Variants in DLGAP2 observed in about 807,000 individuals in gnomAD.
DLGAP2 encodes DLG associated protein 2.
DLGAP2 carries 26 observed loss-of-function variants against 100.3 expected under a neutral mutation model. The observed-to-expected ratio is 0.26, with a 90% CI of 0.19 to 0.36. The LOEUF (loss-of-function observed/expected upper bound fraction) is 0.36, where lower values mean the gene tolerates loss of function less well. Among genes scored for constraint, DLGAP2 ranks in the 10% least tolerant of loss-of-function variants. The pLI, the probability that DLGAP2 is intolerant of heterozygous loss-of-function variation, is 1.00. For synonymous variants in DLGAP2, 886 were observed against 630.1 expected (o/e 1.41, Z -6.08); for missense variants, 1,858 against 1,453.2 (o/e 1.28, Z -4.53).
intron 1 of DLGAP2, among the ~76,000 whole-genome samples, chr8:770,475 ATGT>A (rs1434935260): frequency 1.1e-4 from 17 of 152,294 alleles, no homozygotes; most frequent in African/African-American, 3.1e-4. Flanking sequence ...CTGAAGATAC[ATGT>A]TGTTCACTGC....
At chr8:1,441,548 C>T (rs1281437375) in intron 3 of DLGAP2, among the ~76,000 whole-genome samples, 4 of 151,850 alleles carry the variant, frequency 2.6e-5, no homozygotes, top group East Asian at 1.9e-4. Flanking sequence ...ATTAGCCAGG[C>T]GTGTTGGTGG....
intron 1 of DLGAP2, among the ~76,000 whole-genome samples, chr8:829,200 A>G (rs1796737052): frequency 6.6e-6 from 1 of 152,256 alleles, no homozygotes; most frequent in Admixed American, 6.5e-5. Flanking sequence ...TAAGGAATCC[A>G]GTTTCTAATG....
intron 2 of DLGAP2, among the ~76,000 whole-genome samples, chr8:1,071,354 C>G (rs1329198638): frequency 2.0e-5 from 3 of 152,208 alleles, no homozygotes; most frequent in Non-Finnish European, 4.4e-5. Flanking sequence ...GCTTGACTTT[C>G]AAGGGTGGCT....
chr8:1,332,419 G>T (rs1412890795), intron 3 of DLGAP2, among the ~76,000 whole-genome samples: 1 of 151,936 alleles, frequency 6.6e-6, no homozygotes. Context: ...GTATATGCGT[G>T]TGTCAGTGTA....
intron 2 of DLGAP2, among the ~76,000 whole-genome samples, chr8:1,088,276 A>G (rs917831974): frequency 3.9e-5 from 6 of 152,172 alleles, no homozygotes; most frequent in African/African-American, 1.4e-4. Context: ...TAGAGCTACC[A>G]TGAAGAGTTG....
intron 1 of DLGAP2, among the ~76,000 whole-genome samples, chr8:862,026 A>G (rs944626132): frequency 2.6e-5 from 4 of 152,184 alleles, no homozygotes; most frequent in East Asian, 3.8e-4. Context: ...AGAAATTCCA[A>G]CCTTCTGCAT....
At chr8:805,193 A>T (rs1796244793) in intron 1 of DLGAP2, among the ~76,000 whole-genome samples, 1 of 152,250 alleles carries the variant, frequency 6.6e-6, no homozygotes, top group African/African-American at 2.4e-5. Flanking sequence ...AATGCCCAGA[A>T]TAATGAAGGG....
chr8:1,158,976 G>C (rs902050266), intron 2 of DLGAP2, among the ~76,000 whole-genome samples: 1 of 152,212 alleles, frequency 6.6e-6, no homozygotes. Flanking sequence ...ACAGAACTTT[G>C]TATGTTTTTC....
chr8:1,663,416 A>AAGT (rs1396564670), intron 8 of DLGAP2, among the ~76,000 whole-genome samples: 20 of 152,058 alleles, frequency 1.3e-4, no homozygotes, highest in African/African-American at 4.8e-4. Flanking sequence ...CGTCTTCGCC[A>AAGT]GCTTCTCTGG....
At chr8:1,656,845 C>T (rs1384412998) in intron 8 of DLGAP2, among the ~76,000 whole-genome samples, 2 of 152,194 alleles carry the variant, frequency 1.3e-5, no homozygotes, top group African/African-American at 2.4e-5. Context: ...GCATGTTACA[C>T]AGTTCCTTCT....
intron 2 of DLGAP2, among the ~76,000 whole-genome samples, chr8:962,604 G>A (rs975648855): frequency 2.6e-5 from 4 of 152,140 alleles, no homozygotes; most frequent in African/African-American, 7.2e-5. Flanking sequence ...AGAGGCCCCC[G>A]CCCTCCGAGA....
chr8:1,390,718 T>C (rs1023109350), intron 3 of DLGAP2, among the ~76,000 whole-genome samples: 2 of 152,192 alleles, frequency 1.3e-5, no homozygotes, highest in Non-Finnish European at 2.9e-5. Context: ...GAGGATCTTT[T>C]CATTTGGCGG....
intron 1 of DLGAP2, among the ~76,000 whole-genome samples, chr8:758,021 T>A (rs1820964729): frequency 6.6e-6 from 1 of 152,160 alleles, no homozygotes; most frequent in Non-Finnish European, 1.5e-5. Flanking sequence ...CCCTTTACTG[T>A]CCCTGCCCTG....
At chr8:900,276 G>C (rs13272933) in intron 1 of DLGAP2, among the ~76,000 whole-genome samples, 71,376 of 142,520 alleles carry the variant, frequency 0.5, 17,616 homozygotes, top group Admixed American at 0.62. Flanking sequence ...GCGCCATCCT[G>C]TTCACGGCGT....
In DLGAP2 at chr8:894,590, C is replaced by A. The variant is rs1025499925; in HGVS notation, c.19-13322C>A. On this transcript the variant is annotated intron_variant, in intron 1 of 14. Coordinates refer to ENST00000637795, the MANE Select transcript of DLGAP2 (RefSeq NM_001346810.2). ...ACAAGGCAAATGTATGGAGGCGGAG[C>A]AGGGGTGTGGTGGGGAGAGCAGAGT... Among the ~76,000 whole-genome samples, 6 of 115,464 alleles carry A rather than the reference C, an allele frequency of 5.2e-5. No homozygotes were observed. The Admixed American group carries it at 6.8e-4, about 13-fold the overall frequency. The allele number at this position is 115,464 out of a possible 152,430, so 75.7% of individuals were successfully genotyped here. A position where few individuals can be genotyped will look rare whatever the true frequency, so the allele number is the denominator to read the frequency against.
intron 2 of DLGAP2, among the ~76,000 whole-genome samples, chr8:1,166,761 G>C (rs903717395): frequency 1.3e-5 from 2 of 152,030 alleles, no homozygotes; most frequent in Non-Finnish European, 2.9e-5. Context: ...ATTATTATTT[G>C]TCAATTAAAA....
chr8:1,246,474 C>G (rs1165453061), intron 2 of DLGAP2, among the ~76,000 whole-genome samples: 2 of 152,228 alleles, frequency 1.3e-5, no homozygotes, highest in Admixed American at 6.5e-5. Context: ...TCAGCCTCCT[C>G]TCACTGAGGG....
chr8:1,605,165 A>G (rs1335909350), intron 6 of DLGAP2, among the ~76,000 whole-genome samples: 2 of 152,168 alleles, frequency 1.3e-5, no homozygotes, highest in Admixed American at 1.3e-4. Context: ...TGGGTGAGCA[A>G]CATCCGTGAC....
intron 2 of DLGAP2, among the ~76,000 whole-genome samples, chr8:1,221,373 A>T (rs903929814): frequency 6.6e-6 from 1 of 152,190 alleles, no homozygotes; most frequent in East Asian, 1.9e-4. Flanking sequence ...GTTTGGCTGC[A>T]TGTAAAATTC....
Sources: allele counts gnomAD v4.1 joint callset (sites outside exome capture counted in the v4.1 genomes callset), GRCh38; gene constraint gnomAD v4.1.1; transcripts MANE v1.5; gene names NCBI Gene and HGNC (gene_info 2026-07-23, HGNC 2026-07-21).